PNOC: variants seen among roughly 807,000 people sequenced by gnomAD.
PNOC encodes prepronociceptin, also known as nociceptin.
A neutral mutation model predicts 15.6 loss-of-function variants in PNOC; 10 were observed. That is an observed-to-expected ratio of 0.64 (90% CI 0.40 to 1.09). The LOEUF (loss-of-function observed/expected upper bound fraction) is 1.09. Ranked by LOEUF, PNOC falls within the 50% of genes least tolerant of loss-of-function variation. The pLI is 0.01. For synonymous variants in PNOC, 98 were observed against 88.5 expected, an observed-to-expected ratio of 1.11 and a Z score of -0.60; for missense variants, 220 against 223.9, an observed-to-expected ratio of 0.98 and a Z score of 0.11.
chr8:28,320,072 GTTTCTTTCTTTC>G (rs1368496373), intron 1 of PNOC, among the ~76,000 whole-genome samples: 1 of 38,948 alleles, frequency 2.6e-5, no homozygotes. Flanking sequence ...TTTTTTGTTT[GTTTCTTTCTTTC>G]TTTCTTTCTT....
chr8:28,326,795 G>T (rs1006986935), intron 1 of PNOC, among the ~76,000 whole-genome samples: 1 of 152,172 alleles, frequency 6.6e-6, no homozygotes. Flanking sequence ...GGGAGGTGAT[G>T]GTTGCAGTGA....
intron 3 of PNOC, among the ~76,000 whole-genome samples, chr8:28,340,370 C>T (rs994213207): frequency 6.6e-6 from 1 of 152,196 alleles, no homozygotes; most frequent in Admixed American, 6.5e-5. Flanking sequence ...TCATAATATA[C>T]ATCAAATACC....
upstream of PNOC, chr8:28,317,237 G>GAT (rs1321565040): frequency 1.3e-5 from 2 of 152,654 alleles, no homozygotes; most frequent in Non-Finnish European, 2.9e-5. Flanking sequence ...TGGGGGAGAG[G>GAT]ATATATATGC....
Position 28,339,501 on chromosome 8 carries a change from G to A in PNOC, c.*47+10G>A, listed in dbSNP as rs1429549281. ...CCACTGCAACCCATGAGTGAGTTGG[G>A]CACCAATAAGCTGGGGGCAAGGAGA... On this transcript the variant is annotated intron_variant, in intron 3 of 3. Transcript: ENST00000301908. 1 of 1,486,260 alleles carries A rather than the reference G, an allele frequency of 6.7e-7. No homozygotes were observed. Among genetic ancestry groups the A allele is most frequent in the Non-Finnish European group, 8.9e-7 (1 of 1,120,330 alleles). The allele number at this position is 1,486,260 out of a possible 1,614,324, so 92.1% of individuals were successfully genotyped here.
chr8:28,338,540 C>G, intron 2 of PNOC: 1 of 943,086 alleles, frequency 1.1e-6, no homozygotes, highest in Non-Finnish European at 1.3e-6. Flanking sequence ...TTAACAACAC[C>G]TAGGTAGATC....
chr8:28,323,082 A>T (rs1468301893), intron 1 of PNOC, among the ~76,000 whole-genome samples: 1 of 152,180 alleles, frequency 6.6e-6, no homozygotes, highest in African/African-American at 2.4e-5. Flanking sequence ...ATAAGACAAA[A>T]CTCAATTAGG....
rs1801201473 is a variant in PNOC at position 28,324,939 on chromosome 8, T to C, written c.-23-4196T>C. 2.0e-5 allele frequency among the ~76,000 whole-genome samples: 3 copies of C among 152,202 alleles called. No homozygotes were observed. The South Asian group carries it at 6.2e-4, about 32-fold the overall frequency. ...TCTTTTCCTTTCGTATATATTCTTA[T>C]TGCCTGTCAGTTCTATTTTAATTGC... On this transcript the variant is annotated intron_variant, in intron 1 of 3. Transcript: ENST00000301908.
Position 28,338,955 on chromosome 8 carries a change from G to C in PNOC, c.127-85G>C, listed in dbSNP as rs1801461465. ...AGATGCTTCAGAAGCACTTGCACTG[G>C]TGCAGTGGGCCAGATCTCCTCCCTC... On this transcript the variant is annotated intron_variant, in intron 2 of 3. Coordinates refer to ENST00000301908, the MANE Select transcript of PNOC (RefSeq NM_006228.5). 7 of 1,276,260 alleles carry C rather than the reference G, an allele frequency of 5.5e-6. No homozygotes were observed. The South Asian group carries it at 9.1e-5, about 17-fold the overall frequency. 79.1% of individuals were successfully genotyped at this position (1,276,260 alleles called of 1,614,324 possible). A position where few individuals can be genotyped will look rare whatever the true frequency, so the allele number is the denominator to read the frequency against.
At chr8:28,330,393 T>TTA (rs1194035930) in intron 2 of PNOC, among the ~76,000 whole-genome samples, 13 of 93,170 alleles carry the variant, frequency 1.4e-4, no homozygotes, top group African/African-American at 4.0e-4. Flanking sequence ...TTTATTTTAT[T>TTA]TTATTTTTTT....
chr8:28,319,279 G>A (rs995254623), intron 1 of PNOC, among the ~76,000 whole-genome samples: 1 of 152,180 alleles, frequency 6.6e-6, no homozygotes. Flanking sequence ...TGAACTCATA[G>A]TGGGGTCGGG....
At chr8:28,334,179 G>A (rs1321027800) in intron 2 of PNOC, among the ~76,000 whole-genome samples, 3 of 152,094 alleles carry the variant, frequency 2.0e-5, no homozygotes. Flanking sequence ...CGCCTGTAGA[G>A]TACTAACTCG....
intron 2 of PNOC, among the ~76,000 whole-genome samples, chr8:28,338,025 C>T (rs774052840): frequency 5.9e-5 from 9 of 152,192 alleles, no homozygotes; most frequent in Non-Finnish European, 1.2e-4. Context: ...GTTGCAGCCT[C>T]TGCCCCAGAA....
intron 3 of PNOC, among the ~76,000 whole-genome samples, chr8:28,340,836 G>A (rs978142134): frequency 2.6e-5 from 4 of 152,146 alleles, no homozygotes; most frequent in African/African-American, 7.2e-5. Context: ...GATCTCCCAC[G>A]AACTCATTAC....
intron 1 of PNOC, among the ~76,000 whole-genome samples, chr8:28,320,177 G>C (rs1470753734): frequency 6.9e-6 from 1 of 144,712 alleles, no homozygotes; most frequent in African/African-American, 2.6e-5. Flanking sequence ...CAGCCCGGGG[G>C]CCCAGCCTGG....
intron 3 of PNOC, among the ~76,000 whole-genome samples, chr8:28,342,562 C>T (rs1333746133): frequency 6.6e-6 from 1 of 152,136 alleles, no homozygotes; most frequent in African/African-American, 2.4e-5. Context: ...AAACTGAGCA[C>T]ATTCATTCGT....
intron 1 of PNOC, among the ~76,000 whole-genome samples, chr8:28,325,104 C>T (rs1040577821): frequency 6.6e-6 from 1 of 152,172 alleles, no homozygotes; most frequent in African/African-American, 2.4e-5. Flanking sequence ...TAGTCATTAG[C>T]AGATGAGAAA....
At chr8:28,320,068 G>C (rs369498708) in intron 1 of PNOC, among the ~76,000 whole-genome samples, 2 of 30,518 alleles carry the variant, frequency 6.6e-5, no homozygotes, top group Non-Finnish European at 1.8e-4. Flanking sequence ...GGTTTTTTTT[G>C]TTTGTTTCTT....
At chr8:28,342,439 C>G (rs1354844565) in intron 3 of PNOC, among the ~76,000 whole-genome samples, 1 of 152,014 alleles carries the variant, frequency 6.6e-6, no homozygotes, top group Non-Finnish European at 1.5e-5. Context: ...GCAGGCCCAC[C>G]TCTAGACAGA....
intron 1 of PNOC, among the ~76,000 whole-genome samples, chr8:28,317,691 T>A (rs1276103624): frequency 2.0e-5 from 3 of 151,940 alleles, no homozygotes; most frequent in Non-Finnish European, 4.4e-5. Flanking sequence ...GGGTTTGCCT[T>A]CCACGGGGCG....
Sources: allele counts gnomAD v4.1 joint callset (sites outside exome capture counted in the v4.1 genomes callset), GRCh38; gene constraint gnomAD v4.1.1; transcripts MANE v1.5; gene names NCBI Gene and HGNC (gene_info 2026-07-23, HGNC 2026-07-21).